Variants in PPM1L observed in about 807,000 individuals in gnomAD.
PPM1L encodes protein phosphatase 1L.
In PPM1L, 13 loss-of-function variants were observed where a neutral mutation model predicts 31.4. The observed-to-expected ratio is 0.41, with a 90% CI of 0.27 to 0.66. The LOEUF is 0.66. PPM1L is among the 30% of genes least tolerant of loss of function. The pLI, the probability that PPM1L is intolerant of heterozygous loss-of-function variation, is 0.29. For synonymous variants in PPM1L, 184 were observed against 175.4 expected (o/e 1.05, Z -0.39); for missense variants, 326 against 453.7 (o/e 0.72, Z 2.56).
chr3:161,018,215 C>A (rs1484325395), intron 2 of PPM1L, among the ~76,000 whole-genome samples: 1 of 152,188 alleles, frequency 6.6e-6, no homozygotes, highest in Non-Finnish European at 1.5e-5. Context: ...TTATAGAATT[C>A]TCCATGGTGG....
At chr3:161,034,744 C>T (rs1292618062) in intron 2 of PPM1L, among the ~76,000 whole-genome samples, 1 of 151,560 alleles carries the variant, frequency 6.6e-6, no homozygotes, top group African/African-American at 2.4e-5. Context: ...GGAGAAATAT[C>T]TAATGTAGAT....
At chr3:161,024,756 A>G (rs948107336) in intron 2 of PPM1L, among the ~76,000 whole-genome samples, 2 of 151,354 alleles carry the variant, frequency 1.3e-5, no homozygotes, top group Non-Finnish European at 2.9e-5. Context: ...GCTCCCAGAC[A>G]GGTCAGATGG....
At chr3:160,912,997 C>T (rs1218834612) in intron 1 of PPM1L, among the ~76,000 whole-genome samples, 12 of 152,118 alleles carry the variant, frequency 7.9e-5, no homozygotes, top group Admixed American at 7.9e-4. Context: ...GGTGGCATTA[C>T]ATACTGTGAT....
chr3:160,780,192 C>G (rs910039433), intron 1 of PPM1L, among the ~76,000 whole-genome samples: 6 of 152,080 alleles, frequency 3.9e-5, no homozygotes, highest in African/African-American at 9.7e-5. Context: ...CTGGCTAAAG[C>G]TATTTTTTAG....
At chr3:161,023,813 A>AT (rs954803670) in intron 2 of PPM1L, among the ~76,000 whole-genome samples, 2 of 151,146 alleles carry the variant, frequency 1.3e-5, no homozygotes, top group East Asian at 1.9e-4. Flanking sequence ...TGCATTTCTT[A>AT]TTTTTTTTCA....
intron 1 of PPM1L, among the ~76,000 whole-genome samples, chr3:160,884,797 C>T (rs918397165): frequency 2.6e-5 from 4 of 152,130 alleles, no homozygotes; most frequent in Non-Finnish European, 5.9e-5. Flanking sequence ...TTTAAGACCA[C>T]TAAATAAAAT....
chr3:160,783,034 G>C (rs554201954), intron 1 of PPM1L, among the ~76,000 whole-genome samples: 1 of 152,280 alleles, frequency 6.6e-6, no homozygotes, highest in East Asian at 1.9e-4. Context: ...TCATGGGCCA[G>C]TGGAACTTCT....
At chr3:160,939,910 C>T (rs1715104030) in intron 1 of PPM1L, among the ~76,000 whole-genome samples, 1 of 152,052 alleles carries the variant, frequency 6.6e-6, no homozygotes, top group Non-Finnish European at 1.5e-5. Context: ...CAGAAGAAGA[C>T]AGGAAAATGT....
intron 1 of PPM1L, among the ~76,000 whole-genome samples, chr3:160,959,062 C>G (rs566180416): frequency 6.6e-6 from 1 of 152,160 alleles, no homozygotes; most frequent in Non-Finnish European, 1.5e-5. Context: ...GCCCACCAAC[C>G]AACAAGTGGA....
At chr3:160,940,219 T>C (rs1715116584) in intron 1 of PPM1L, among the ~76,000 whole-genome samples, 1 of 152,202 alleles carries the variant, frequency 6.6e-6, no homozygotes, top group South Asian at 2.1e-4. Flanking sequence ...AGGCATTCAG[T>C]TTTATAAGGG....
chr3:161,054,617 A>G (rs916994436), intron 2 of PPM1L, among the ~76,000 whole-genome samples: 8 of 152,080 alleles, frequency 5.3e-5, no homozygotes, highest in Admixed American at 4.6e-4. Flanking sequence ...GCCTGCCCTG[A>G]TGTTGAAAGC....
intron 1 of PPM1L, among the ~76,000 whole-genome samples, chr3:160,761,047 C>G (rs1714956367): frequency 6.6e-6 from 1 of 152,096 alleles, no homozygotes; most frequent in Non-Finnish European, 1.5e-5. Flanking sequence ...TATATATAGT[C>G]TTATTCTTTA....
At chr3:160,921,411 AACT>A (rs1319885589) in intron 1 of PPM1L, among the ~76,000 whole-genome samples, 1 of 152,214 alleles carries the variant, frequency 6.6e-6, no homozygotes, top group Non-Finnish European at 1.5e-5. Context: ...ACTTTTTAAA[AACT>A]ACTTTAGGCT....
At chr3:160,992,462 T>C (rs1300526377) in intron 2 of PPM1L, among the ~76,000 whole-genome samples, 2 of 152,148 alleles carry the variant, frequency 1.3e-5, no homozygotes, top group African/African-American at 4.8e-5. Flanking sequence ...CAATTCAAAC[T>C]AGCTTATGCA....
chr3:160,758,215 T>C (rs1714863359), intron 1 of PPM1L, among the ~76,000 whole-genome samples: 1 of 152,170 alleles, frequency 6.6e-6, no homozygotes, highest in African/African-American at 2.4e-5. Flanking sequence ...GTGAAAGATA[T>C]AAAATTAATT....
chr3:160,793,695 T>C (rs1712165544), intron 1 of PPM1L, among the ~76,000 whole-genome samples: 1 of 152,196 alleles, frequency 6.6e-6, no homozygotes, highest in Non-Finnish European at 1.5e-5. Flanking sequence ...GAAAAGGAAT[T>C]TGAATGAAAG....
intron 1 of PPM1L, among the ~76,000 whole-genome samples, chr3:160,833,444 GT>G (rs1403129096): frequency 6.6e-6 from 1 of 152,068 alleles, no homozygotes; most frequent in East Asian, 1.9e-4. Flanking sequence ...AGCATCTGTT[GT>G]TTTTTGACTT....
intron 1 of PPM1L, among the ~76,000 whole-genome samples, chr3:160,931,988 T>A (rs1714803790): frequency 8.0e-6 from 1 of 124,942 alleles, no homozygotes. Flanking sequence ...GGAGTCATTC[T>A]TTTGTTTTTT....
chr3:160,843,940 A>G (rs1713991252), intron 1 of PPM1L, among the ~76,000 whole-genome samples: 1 of 152,224 alleles, frequency 6.6e-6, no homozygotes, highest in Non-Finnish European at 1.5e-5. Flanking sequence ...ACCATGGAAT[A>G]CTATGCAGCC....
Sources: gnomAD v4.1 joint callset for allele counts (sites outside exome capture counted in the v4.1 genomes callset) on GRCh38, gnomAD v4.1.1 for gene constraint, MANE v1.5 for transcripts, NCBI Gene and HGNC (gene_info 2026-07-23, HGNC 2026-07-21) for gene names.